The following CLNK variants were observed in gnomAD, a reference collection of about 807,000 sequenced individuals.
CLNK encodes cytokine dependent hematopoietic cell linker.
Under a neutral mutation model 68.6 loss-of-function variants are expected in CLNK, and 74 were observed. The observed-to-expected ratio is 1.08, with a 90% CI of 0.89 to 1.31. The LOEUF (loss-of-function observed/expected upper bound fraction) is 1.31. CLNK is among the 50% of genes most tolerant of loss of function. CLNK has a pLI of 0.00. For synonymous variants in CLNK, 198 were observed against 172.2 expected (o/e 1.15, Z -1.17); for missense variants, 553 against 515.3 (o/e 1.07, Z -0.71).
intron 5 of CLNK, among the ~76,000 whole-genome samples, chr4:10,571,457 C>G (rs572551965): frequency 6.6e-6 from 1 of 150,740 alleles, no homozygotes; most frequent in Non-Finnish European, 1.5e-5. Context: ...GCCTCAGCCT[C>G]GTGAGTAGCT....
At chr4:10,629,086 A>G (rs1244349776) in intron 2 of CLNK, among the ~76,000 whole-genome samples, 2 of 152,090 alleles carry the variant, frequency 1.3e-5, no homozygotes, top group Non-Finnish European at 2.9e-5. Context: ...GACCTGTATG[A>G]CCAGCTCCCA....
chr4:10,662,012 G>A (rs1053258085), intron 2 of CLNK, among the ~76,000 whole-genome samples: 3 of 151,984 alleles, frequency 2.0e-5, no homozygotes, highest in African/African-American at 7.2e-5. Flanking sequence ...TCCAAAACAA[G>A]CAAATAGGAA....
At chr4:10,717,424 C>T in the CLNK span, among the ~76,000 whole-genome samples, 4 of 152,118 alleles carry the variant, frequency 2.6e-5, no homozygotes, top group South Asian at 2.1e-4. Flanking sequence ...AGAGAAACCC[C>T]GTCTCTATTA....
intron 2 of CLNK, among the ~76,000 whole-genome samples, chr4:10,654,424 G>C (rs555587395): frequency 2.3e-4 from 19 of 82,370 alleles, no homozygotes; most frequent in Non-Finnish European, 3.8e-4. Flanking sequence ...TGGCAACCTA[G>C]AGTCTTTAAC....
In CLNK at chr4:10,649,575, C is replaced by T. The variant is rs373180237; in HGVS notation, c.11+18284G>A. On this transcript the variant is annotated intron_variant, in intron 2 of 18. Coordinates refer to ENST00000226951, the MANE Select transcript of CLNK (RefSeq NM_052964.4). ...ATAGGAGGCCCACCTGTGTGTAAAA[C>T]TGGCCCCTAAAGAGCTGCTCTCTCA... 1.1e-4 allele frequency among the ~76,000 whole-genome samples: 16 copies of T among 152,234 alleles called. No homozygotes were observed. In the South Asian group the frequency reaches 3.1e-3, roughly 30 times the overall value.
chr4:10,711,338 C>T, the CLNK span, among the ~76,000 whole-genome samples: 1 of 152,194 alleles, frequency 6.6e-6, no homozygotes, highest in African/African-American at 2.4e-5. Context: ...AAAACAAGTG[C>T]TTTCTAACTT....
intron 2 of CLNK, among the ~76,000 whole-genome samples, chr4:10,638,005 G>A (rs1329886528): frequency 6.6e-6 from 1 of 152,036 alleles, no homozygotes; most frequent in South Asian, 2.1e-4. Context: ...GTGAGCACAG[G>A]GTCATCTAGT....
At chr4:10,686,663 A>G (rs1725284250), upstream of CLNK, among the ~76,000 whole-genome samples, 1 of 150,812 alleles carries the variant, frequency 6.6e-6, no homozygotes, top group Non-Finnish European at 1.5e-5. Flanking sequence ...AAAGCAAGTC[A>G]CATGGCCAAG....
intron 3 of CLNK, among the ~76,000 whole-genome samples, chr4:10,589,082 T>C (rs1273280637): frequency 4.6e-5 from 7 of 152,226 alleles, no homozygotes; most frequent in Non-Finnish European, 1.0e-4. Context: ...GTAAATCTTA[T>C]ATTAATTGTT....
At chr4:10,697,868 G>A in the CLNK span, among the ~76,000 whole-genome samples, 4 of 152,066 alleles carry the variant, frequency 2.6e-5, no homozygotes, top group Non-Finnish European at 4.4e-5. Flanking sequence ...AGAATAAAAC[G>A]AGGCTCATCA....
At chr4:10,499,084 T>C (rs1716928223) in intron 18 of CLNK, among the ~76,000 whole-genome samples, 2 of 151,816 alleles carry the variant, frequency 1.3e-5, no homozygotes, top group South Asian at 4.2e-4. Context: ...CCTTTCCTTA[T>C]TTGGAAAGAG....
chr4:10,709,641 C>A, the CLNK span, among the ~76,000 whole-genome samples: 2 of 152,166 alleles, frequency 1.3e-5, no homozygotes, highest in East Asian at 3.8e-4. Flanking sequence ...TCCTTTGAAT[C>A]TAGATGCCTT....
At chr4:10,594,865 C>A (rs543772734) in intron 3 of CLNK, among the ~76,000 whole-genome samples, 1 of 152,114 alleles carries the variant, frequency 6.6e-6, no homozygotes, top group Non-Finnish European at 1.5e-5. Context: ...GAGGCCAAGG[C>A]GGGCAGATCA....
intron 4 of CLNK, among the ~76,000 whole-genome samples, chr4:10,580,677 A>T: frequency 6.6e-6 from 1 of 152,142 alleles, no homozygotes; most frequent in African/African-American, 2.4e-5. Context: ...AAAAATAGAA[A>T]AAATTCTTCT....
intron 2 of CLNK, among the ~76,000 whole-genome samples, chr4:10,623,134 T>C (rs1722526971): frequency 6.6e-6 from 1 of 152,218 alleles, no homozygotes; most frequent in Non-Finnish European, 1.5e-5. Flanking sequence ...TTAAAAAATC[T>C]GCATTACCTA....
chr4:10,557,563 C>T (rs1337951697), intron 8 of CLNK, among the ~76,000 whole-genome samples: 2 of 152,200 alleles, frequency 1.3e-5, no homozygotes, highest in Admixed American at 6.5e-5. Flanking sequence ...GGGCCAGCCC[C>T]GCTGCTGTCA....
chr4:10,512,475 C>T (rs1420949409), intron 16 of CLNK, among the ~76,000 whole-genome samples: 4 of 152,060 alleles, frequency 2.6e-5, no homozygotes, highest in African/African-American at 2.4e-5. Context: ...AGGTGACCTA[C>T]CCACCTTGGC....
At chr4:10,722,615 CAA>C in the CLNK span, among the ~76,000 whole-genome samples, 1 of 152,104 alleles carries the variant, frequency 6.6e-6, no homozygotes, top group Non-Finnish European at 1.5e-5. Flanking sequence ...AAGAATTACA[CAA>C]AACACACAAA....
chr4:10,563,829 C>T (rs938317851), intron 7 of CLNK, among the ~76,000 whole-genome samples: 5 of 152,146 alleles, frequency 3.3e-5, no homozygotes, highest in African/African-American at 1.2e-4. Flanking sequence ...ACCACTTGAA[C>T]CCGGGAGGTG....
Sources: allele counts gnomAD v4.1 joint callset (sites outside exome capture counted in the v4.1 genomes callset), GRCh38; gene constraint gnomAD v4.1.1; transcripts MANE v1.5; gene names NCBI Gene and HGNC (gene_info 2026-07-23, HGNC 2026-07-21).